Variants in PKHD1 observed in about 807,000 individuals in gnomAD.
PKHD1 encodes PKHD1 ciliary IPT domain containing fibrocystin/polyductin, also known as fibrocystin.
In PKHD1, 291 loss-of-function variants were observed where a neutral mutation model predicts 412.0. The ratio of observed to expected loss-of-function variants is 0.71; its 90% confidence interval spans 0.64 to 0.78. The LOEUF is 0.78. PKHD1 is among the 30% of genes least tolerant of loss of function. The pLI, the probability that PKHD1 is intolerant of heterozygous loss-of-function variation, is 0.00. For synonymous variants in PKHD1, 1,777 were observed against 1,821.5 expected (o/e 0.98, Z 0.62); for missense variants, 4,825 against 4,950.7 (o/e 0.97, Z 0.76).
At chr6:51,627,401 G>A (rs898114588) in intron 65 of PKHD1, among the ~76,000 whole-genome samples, 1 of 151,300 alleles carries the variant, frequency 6.6e-6, no homozygotes, top group Non-Finnish European at 1.5e-5. Context: ...TAAGTATAAT[G>A]TACACACTCA....
intron 35 of PKHD1, among the ~76,000 whole-genome samples, chr6:51,970,527 G>A (rs1490922460): frequency 4.6e-5 from 7 of 152,094 alleles, no homozygotes; most frequent in Admixed American, 4.6e-4. Flanking sequence ...ACTTTGCCTA[G>A]GCCAATATCC....
At position 52,028,251 on chromosome 6, in the gene PKHD1, C is replaced by CTG. The variant is rs1554200778; in HGVS notation, c.3463_3464dup (p.Gln1155HisfsTer66). On this transcript the variant is annotated frameshift_variant, in exon 30 of 67. Transcript: ENST00000371117. LOFTEE classifies it high-confidence loss of function. ...GTGCCACCTCCAGGCCCCAAGCCGA[C>CTG]TGTGTGTGAACCGGAGCCAAGGCAT... The CTG allele has an allele frequency of 6.2e-7, 1 of 1,614,180 alleles. No homozygotes were observed. The highest frequency in any genetic ancestry group is 1.1e-5 in the South Asian group (1 of 91,088).
intron 60 of PKHD1, among the ~76,000 whole-genome samples, chr6:51,693,241 T>C (rs906424373): frequency 2.0e-5 from 3 of 152,242 alleles, no homozygotes; most frequent in Non-Finnish European, 4.4e-5. Context: ...CTTTTCTCTA[T>C]GAAGGCATTT....
chr6:51,616,517 T>C lies in PKHD1; in HGVS notation c.*2564A>G, dbSNP rs1414504. On this transcript the variant is annotated 3_prime_UTR_variant, in exon 67 of 67. Coordinates refer to ENST00000371117, the MANE Select transcript of PKHD1 (RefSeq NM_138694.4). Reference sequence around the variant, plus strand: ...GCTCTCTTTGCTTTTGGTGTTTCCCTAATTCTCTCATTTTTTTTTTTTTTT... The same window carrying C: ...GCTCTCTTTGCTTTTGGTGTTTCCCCAATTCTCTCATTTTTTTTTTTTTTT... The C allele has an allele frequency of 0.87, 341,367 of 390,168 alleles. 149,648 individuals carry two copies. Among genetic ancestry groups the C allele is most frequent in the African/African-American group, 0.92 (44,303 of 48,378 alleles). 24.2% of individuals were successfully genotyped at this position (390,168 alleles called of 1,614,324 possible).
chr6:51,845,521 C>G (rs1770984197), intron 50 of PKHD1, among the ~76,000 whole-genome samples: 1 of 152,192 alleles, frequency 6.6e-6, no homozygotes, highest in African/African-American at 2.4e-5. Flanking sequence ...CTTCTTATTC[C>G]TTTTCCAACT....
intron 37 of PKHD1, among the ~76,000 whole-genome samples, chr6:51,927,290 C>G (rs1232389346): frequency 6.6e-6 from 1 of 152,102 alleles, no homozygotes; most frequent in African/African-American, 2.4e-5. Flanking sequence ...TTCTGCTCCT[C>G]TAGAACCTAC....
At chr6:51,666,897 G>C (rs1010283132) in intron 60 of PKHD1, among the ~76,000 whole-genome samples, 1 of 151,994 alleles carries the variant, frequency 6.6e-6, no homozygotes, top group African/African-American at 2.4e-5. Flanking sequence ...TGGCTCCATA[G>C]TATTCCATGG....
intron 52 of PKHD1, 37 bp downstream of exon 52, chr6:51,830,824 C>A: frequency 6.2e-7 from 1 of 1,600,446 alleles, no homozygotes. Context: ...CTGGGTTCAG[C>A]CTGTCTGTGA....
chr6:51,944,214 TC>T (rs1292243003), intron 36 of PKHD1, among the ~76,000 whole-genome samples: 5 of 151,250 alleles, frequency 3.3e-5, no homozygotes, highest in Admixed American at 6.6e-5. Flanking sequence ...CTCAAAAAGC[TC>T]CCCCACTGAG....
chr6:51,867,986 C>T lies in PKHD1; in HGVS notation c.7610G>A (p.Ser2537Asn), dbSNP rs769912738. ...LDGSLSGKNR[S>N]HILASMETLS... ...GGTTTCCATAGAAGCAAGAATGTGA[C>T]TTCTGTTTTTCCCAGACAGAGACCC... Residue 2537 changes from serine (S) to asparagine (N), a missense_variant, in exon 48 of 67, where the codon AGT (serine) becomes AAT (asparagine). Transcript: ENST00000371117. 6.2e-7 allele frequency: 1 copy of T among 1,613,510 alleles called. No homozygotes were observed. The highest frequency in any genetic ancestry group is 8.5e-7 in the Non-Finnish European group (1 of 1,179,516).
rs1259363063 is a variant in PKHD1, at chr6:52,056,764, GT to G, written c.1626del (p.Leu542PhefsTer4). The G allele has an allele frequency of 1.2e-6, 2 of 1,613,188 alleles. No individual in the cohort carries two copies. Among genetic ancestry groups the G allele is most frequent in the Non-Finnish European group, 1.7e-6 (2 of 1,179,140 alleles). On this transcript the variant is annotated frameshift_variant, in exon 18 of 67. Coordinates refer to ENST00000371117, the MANE Select transcript of PKHD1 (RefSeq NM_138694.4). LOFTEE classifies it high-confidence loss of function. ...GGTTCCAGTTTGCATTTTACTGCAA[GT>G]AACTCCTCAATGGTTGTTTGAATCT... Reference protein sequence around the residue: ...AHLIQTTIEELLAVKCKLEPL... With the variant: ...AHLIQTTIEEXLAVKCKLEPL...
At chr6:51,829,684 T>G (rs1366910064) in intron 52 of PKHD1, among the ~76,000 whole-genome samples, 1 of 152,192 alleles carries the variant, frequency 6.6e-6, no homozygotes, top group Admixed American at 6.5e-5. Context: ...TGGGCACAGT[T>G]ACACAAACAC....
chr6:51,739,849 C>T, intron 60 of PKHD1: 2 of 257,762 alleles, frequency 7.8e-6, no homozygotes, highest in Admixed American at 8.5e-5. Flanking sequence ...TGATTTCTTT[C>T]TGCTGCCTCC....
chr6:52,071,005 C>A lies in PKHD1; in HGVS notation c.667+1G>T. ...AAAATTATGTTACTTCTCTAACAGA[C>A]CGATGTAGTCGCCTTCCACATGGCA... On this transcript the variant is annotated splice_donor_variant, in intron 9 of 66. Coordinates refer to ENST00000371117, the MANE Select transcript of PKHD1 (RefSeq NM_138694.4). LOFTEE classifies it high-confidence loss of function. 6.4e-7 allele frequency: 1 copy of A among 1,574,576 alleles called. No homozygotes were observed. Among genetic ancestry groups the A allele is most frequent in the South Asian group, 1.1e-5 (1 of 90,240 alleles).
At chr6:51,789,323 A>C (rs191651479) in intron 53 of PKHD1, among the ~76,000 whole-genome samples, 143 of 152,344 alleles carry the variant, frequency 9.4e-4, no homozygotes, top group African/African-American at 3.3e-3. Flanking sequence ...TAATTATTGA[A>C]TGTTCATTGC....
At chr6:51,640,838 T>C (rs944418583) in intron 63 of PKHD1, among the ~76,000 whole-genome samples, 5 of 152,212 alleles carry the variant, frequency 3.3e-5, no homozygotes, top group African/African-American at 1.2e-4. Flanking sequence ...TGAAGACCTG[T>C]AAATAATTGT....
chr6:51,687,912 T>C (rs547104873), intron 60 of PKHD1, among the ~76,000 whole-genome samples: 1 of 151,978 alleles, frequency 6.6e-6, no homozygotes, highest in Admixed American at 6.6e-5. Context: ...TAATACTCAG[T>C]ATCAGATTGC....
At position 51,899,361 on chromosome 6, in the gene PKHD1, T is replaced by C. The variant is rs573736457; in HGVS notation, c.6996+4236A>G. 2.3e-3 allele frequency among the ~76,000 whole-genome samples: 353 copies of C among 151,840 alleles called. 3 individuals are homozygous for C. The highest frequency in any genetic ancestry group is 7.6e-3 in the African/African-American group (313 of 41,308). ...TCCCTGGGATGCAAGGCTGGTTCAA[T>C]ATACGCAAATCAATAAATGTAATCC... On this transcript the variant is annotated intron_variant, in intron 43 of 66. Transcript: ENST00000371117.
chr6:51,883,087 AC>A lies in PKHD1; in HGVS notation c.7350+5del. ...CAGCCTAAAACAACCACACTAAGGC[AC>A]TTACCTTGTGGGCAAAATGACCAAG... On this transcript the variant is annotated splice_donor_5th_base_variant and intron_variant, in intron 46 of 66. Transcript: ENST00000371117. 1 of 1,612,404 alleles carries A rather than the reference AC, an allele frequency of 6.2e-7. No homozygotes were observed. The highest frequency in any genetic ancestry group is 8.5e-7 in the Non-Finnish European group (1 of 1,178,696).
Sources: gnomAD v4.1 joint callset for allele counts (sites outside exome capture counted in the v4.1 genomes callset) on GRCh38, gnomAD v4.1.1 for gene constraint, MANE v1.5 for transcripts, NCBI Gene and HGNC (gene_info 2026-07-23, HGNC 2026-07-21) for gene names.